Variants in IQCB1 observed in about 807,000 individuals in gnomAD.
IQCB1 encodes IQ calmodulin-binding motif-containing protein 1.
A neutral mutation model predicts 84.4 loss-of-function variants in IQCB1; 56 were observed. That is an observed-to-expected ratio of 0.66 (90% CI 0.54 to 0.83). The LOEUF is 0.83. IQCB1 is among the 40% of genes least tolerant of loss of function. IQCB1 has a pLI of 0.00. For synonymous variants in IQCB1, 210 were observed against 234.8 expected (o/e 0.89, Z 0.96); for missense variants, 629 against 682.1 (o/e 0.92, Z 0.87).
chr3:121,814,340 A>G (rs1449692413), intron 5 of IQCB1, among the ~76,000 whole-genome samples: 1 of 152,218 alleles, frequency 6.6e-6, no homozygotes. Context: ...CGACACCCTA[A>G]CATCACAATT....
At chr3:121,772,536 G>A (rs1339869386) in intron 14 of IQCB1, 21 bp downstream of exon 14, 9 of 1,613,754 alleles carry the variant, frequency 5.6e-6, no homozygotes, top group African/African-American at 1.3e-5. Context: ...TTTAGAGAAC[G>A]AAAGTAAAAT....
chr3:121,785,285 TC>T (rs1418934031), intron 12 of IQCB1, among the ~76,000 whole-genome samples: 1 of 151,432 alleles, frequency 6.6e-6, no homozygotes, highest in Non-Finnish European at 1.5e-5. Flanking sequence ...AGGGTCTTAT[TC>T]CTATTACCCA....
intron 7 of IQCB1, among the ~76,000 whole-genome samples, chr3:121,806,782 T>A (rs1011046497): frequency 3.4e-5 from 5 of 145,096 alleles, no homozygotes; most frequent in Non-Finnish European, 7.5e-5. Context: ...AAGGTTTATA[T>A]CTTAATCAAC....
intron 12 of IQCB1, among the ~76,000 whole-genome samples, chr3:121,785,427 G>A (rs1021761834): frequency 5.9e-5 from 9 of 151,942 alleles, no homozygotes; most frequent in Non-Finnish European, 1.2e-4. Flanking sequence ...GCTAATTTTT[G>A]TATTTTTAGT....
At chr3:121,789,265 T>A (rs1015668502) in intron 11 of IQCB1, among the ~76,000 whole-genome samples, 2 of 152,234 alleles carry the variant, frequency 1.3e-5, no homozygotes, top group South Asian at 4.1e-4. Context: ...GGTCCTTCAG[T>A]GCACTAGCCA....
At chr3:121,794,186 T>C (rs1559769578) in intron 10 of IQCB1, among the ~76,000 whole-genome samples, 1 of 152,070 alleles carries the variant, frequency 6.6e-6, no homozygotes, top group Non-Finnish European at 1.5e-5. Flanking sequence ...TGAGTAATAA[T>C]AGATGGATAA....
chr3:121,817,278 G>A (rs566423106), intron 5 of IQCB1, among the ~76,000 whole-genome samples: 2 of 152,170 alleles, frequency 1.3e-5, no homozygotes, highest in South Asian at 2.1e-4. Context: ...AGCAAGGGGA[G>A]GGATAGCATT....
intron 2 of IQCB1, among the ~76,000 whole-genome samples, chr3:121,831,470 G>A (rs1371464952): frequency 2.0e-5 from 3 of 152,074 alleles, no homozygotes; most frequent in African/African-American, 7.2e-5. Flanking sequence ...ACACCCCAAG[G>A]TGTGTATTAA....
At chr3:121,786,170 C>CAAAAGAAAAGAAAAGAAAAG (rs778485380) in intron 12 of IQCB1, among the ~76,000 whole-genome samples, 9,208 of 72,754 alleles carry the variant, frequency 0.13, 1,218 homozygotes, top group Middle Eastern at 0.16. Context: ...GATTCTGTCT[C>CAAAAGAAAAGAAAAGAAAAG]AAAAGAAAAG....
intron 2 of IQCB1, among the ~76,000 whole-genome samples, chr3:121,831,865 C>G (rs1416454056): frequency 3.9e-5 from 6 of 152,208 alleles, no homozygotes; most frequent in African/African-American, 1.2e-4. Flanking sequence ...ACATAGTAGT[C>G]ACAAAACTTT....
intron 14 of IQCB1, among the ~76,000 whole-genome samples, chr3:121,771,103 CTGGG>C (rs1947964527): frequency 6.6e-6 from 1 of 152,040 alleles, no homozygotes; most frequent in Non-Finnish European, 1.5e-5. Context: ...TCCTGAGTAG[CTGGG>C]ATTACAGGCG....
At chr3:121,785,765 T>C (rs899555194) in intron 12 of IQCB1, among the ~76,000 whole-genome samples, 9 of 152,192 alleles carry the variant, frequency 5.9e-5, no homozygotes, top group African/African-American at 1.9e-4. Flanking sequence ...ATTTTACACT[T>C]ACAACACATT....
At chr3:121,797,556 T>A (rs1949251041) in intron 8 of IQCB1, among the ~76,000 whole-genome samples, 1 of 151,706 alleles carries the variant, frequency 6.6e-6, no homozygotes, top group Non-Finnish European at 1.5e-5. Flanking sequence ...AAATTTTTTT[T>A]ATTTGAACAA....
At chr3:121,802,443 T>C (rs1949441054) in intron 7 of IQCB1, among the ~76,000 whole-genome samples, 1 of 152,118 alleles carries the variant, frequency 6.6e-6, no homozygotes, top group African/African-American at 2.4e-5. Flanking sequence ...TATTATTCCC[T>C]TGTGATATTT....
rs755216787 is a variant in IQCB1, at chr3:121,781,908, T to A, written c.1279-34A>T. The stretch of plus-strand genomic sequence containing the variant: ...AAAAAAATTGAAGGTTTGTGATTTT[T>A]CTCCCCTAACTAATAGAACTATTTT... On this transcript the variant is annotated intron_variant, in intron 12 of 14. Transcript: ENST00000310864. 2.5e-6 allele frequency: 4 copies of A among 1,606,304 alleles called. No homozygotes were observed. The Admixed American group carries it at 6.7e-5, about 27-fold the overall frequency.
intron 10 of IQCB1, among the ~76,000 whole-genome samples, chr3:121,794,299 A>T (rs1949099510): frequency 1.3e-5 from 2 of 152,094 alleles, no homozygotes; most frequent in African/African-American, 4.8e-5. Context: ...TTTTCCTTCT[A>T]TCATTTTTTA....
At chr3:121,819,647 T>G (rs1383475263) in intron 5 of IQCB1, among the ~76,000 whole-genome samples, 1 of 152,206 alleles carries the variant, frequency 6.6e-6, no homozygotes, top group Non-Finnish European at 1.5e-5. Flanking sequence ...AATTATGCTT[T>G]TTCAACTTTA....
intron 5 of IQCB1, among the ~76,000 whole-genome samples, chr3:121,811,052 A>G (rs146876475): frequency 6.6e-6 from 1 of 152,252 alleles, no homozygotes; most frequent in African/African-American, 2.4e-5. Context: ...AGCAATGCAG[A>G]AGGCAGTGAT....
At chr3:121,790,607 CAG>C (rs1231689228) in intron 10 of IQCB1, among the ~76,000 whole-genome samples, 2 of 152,084 alleles carry the variant, frequency 1.3e-5, no homozygotes, top group African/African-American at 4.8e-5. Flanking sequence ...GTTGGATAAA[CAG>C]ATACTGGTTC....
Sources: allele counts gnomAD v4.1 joint callset (sites outside exome capture counted in the v4.1 genomes callset), GRCh38; gene constraint gnomAD v4.1.1; transcripts MANE v1.5; gene names NCBI Gene and HGNC (gene_info 2026-07-23, HGNC 2026-07-21).